Variants in NAA60 observed in about 807,000 individuals in gnomAD.
NAA60 encodes N-alpha-acetyltransferase 60, NatF catalytic subunit.
NAA60 carries 8 observed loss-of-function variants against 26.1 expected under a neutral mutation model. That is an observed-to-expected ratio of 0.31 (90% CI 0.18 to 0.55). The LOEUF is 0.55. Among genes scored for constraint, NAA60 ranks in the 20% least tolerant of loss-of-function variants. NAA60 has a pLI of 0.93. For missense variants in NAA60, 290 were observed against 311.3 expected (o/e 0.93, Z 0.51); for synonymous variants, 131 against 122.5 (o/e 1.07, Z -0.46).
intron 2 of NAA60, chr16:3,458,084 C>G (rs1050609744): frequency 2.1e-5 from 21 of 985,338 alleles, no homozygotes; most frequent in Non-Finnish European, 2.4e-5. Context: ...TTACATAACT[C>G]GTTGCGGGCT....
chr16:3,458,827 A>T (rs1470003648), intron 2 of NAA60, among the ~76,000 whole-genome samples: 1 of 152,156 alleles, frequency 6.6e-6, no homozygotes, highest in African/African-American at 2.4e-5. Flanking sequence ...TTTCTTCTCC[A>T]GATTGGGTAC....
At chr16:3,475,514 A>G (rs1238591893) in intron 2 of NAA60, among the ~76,000 whole-genome samples, 1 of 151,894 alleles carries the variant, frequency 6.6e-6, no homozygotes, top group Non-Finnish European at 1.5e-5. Context: ...CTTTCTATAC[A>G]AACTTCCTTG....
chr16:3,478,544 CTG>C (rs1443050388), intron 3 of NAA60, among the ~76,000 whole-genome samples: 5 of 152,200 alleles, frequency 3.3e-5, no homozygotes, highest in African/African-American at 7.2e-5. Context: ...CCTTGTCTCT[CTG>C]GGGCTGGGGC....
chr16:3,458,354 A>C (rs1251347957), intron 2 of NAA60, among the ~76,000 whole-genome samples: 1 of 150,880 alleles, frequency 6.6e-6, no homozygotes, highest in African/African-American at 2.4e-5. Context: ...TCCTCCCGGG[A>C]GCCGGTTTCG....
In NAA60 at chr16:3,443,798, T is replaced by C. The variant is rs2034437214; in HGVS notation, c.-116T>C. 6.5e-7 allele frequency: 1 copy of C among 1,534,630 alleles called. No individual in the cohort carries two copies. The highest frequency in any genetic ancestry group is 1.4e-5 in the African/African-American group (1 of 72,946). On this transcript the variant is annotated 5_prime_UTR_variant, in exon 1 of 8. Coordinates refer to ENST00000407558, the MANE Select transcript of NAA60 (RefSeq NM_001083601.3). The stretch of plus-strand genomic sequence containing the variant: ...CCGAGAAGAAGGACAGAAAGAAGAC[T>C]GGGAGACACCGGAACTCGAAAGAAA...
intron 2 of NAA60, among the ~76,000 whole-genome samples, chr16:3,457,270 A>T (rs540551169): frequency 1.1e-4 from 17 of 151,968 alleles, no homozygotes; most frequent in Non-Finnish European, 2.1e-4. Context: ...ACATAATGAC[A>T]TTCCCATCCC....
At chr16:3,483,689 A>C (rs1464876120) in intron 6 of NAA60, 92 bp downstream of exon 6, 1 of 1,000,398 alleles carries the variant, frequency 1.0e-6, no homozygotes, top group Non-Finnish European at 1.5e-6. Context: ...TCCCCCTCAG[A>C]TGATGTTCAG....
intron 2 of NAA60, among the ~76,000 whole-genome samples, chr16:3,459,574 A>G (rs990876220): frequency 1.3e-5 from 2 of 152,164 alleles, no homozygotes; most frequent in Admixed American, 6.5e-5. Context: ...GGGATTTTCT[A>G]CATTAATGTG....
intron 2 of NAA60, among the ~76,000 whole-genome samples, chr16:3,454,036 C>T (rs1596291574): frequency 1.3e-5 from 2 of 152,162 alleles, no homozygotes; most frequent in East Asian, 3.9e-4. Flanking sequence ...TGGGGATTGT[C>T]GGAAAGAGGC....
Position 3,485,772 on chromosome 16 carries a change from A to G in NAA60, c.*512A>G. The G allele has an allele frequency of 7.0e-6, 3 of 430,594 alleles. 1 individual carries two copies. Among genetic ancestry groups the G allele is most frequent in the South Asian group, 4.9e-5 (3 of 61,732 alleles). 26.7% of individuals were successfully genotyped at this position (430,594 alleles called of 1,614,324 possible). A position where few individuals can be genotyped will look rare whatever the true frequency, so the allele number is the denominator to read the frequency against. On this transcript the variant is annotated 3_prime_UTR_variant, in exon 8 of 8. Transcript: ENST00000407558. ...GCCCGTCCCCTTCCAGAACCAGCCC[A>G]AAGAAGCCTGGGGGGTGAGGAGTGG...
At chr16:3,465,467 C>A (rs543228850) in intron 2 of NAA60, among the ~76,000 whole-genome samples, 10 of 152,172 alleles carry the variant, frequency 6.6e-5, no homozygotes, top group South Asian at 2.1e-4. Context: ...TGAGTGGGGC[C>A]ACAAAAGGTG....
chr16:3,455,810 C>T (rs1426966373), intron 2 of NAA60, among the ~76,000 whole-genome samples: 2 of 152,032 alleles, frequency 1.3e-5, no homozygotes, highest in African/African-American at 4.8e-5. Context: ...TGAGTTCAAG[C>T]GATTCTCCCA....
intron 1 of NAA60, 32 bp downstream of exon 1, chr16:3,443,869 GAAATTTC>G: frequency 6.6e-7 from 1 of 1,524,988 alleles, no homozygotes; most frequent in Non-Finnish European, 8.8e-7. Flanking sequence ...CTGTAGGCCT[GAAATTTC>G]GGTCTGGCCA....
intron 2 of NAA60, among the ~76,000 whole-genome samples, chr16:3,464,264 C>T (rs989867424): frequency 8.5e-5 from 13 of 152,212 alleles, no homozygotes; most frequent in Non-Finnish European, 1.8e-4. Context: ...CTGCCTGCCT[C>T]GGCCTCCCAA....
At chr16:3,443,649 A>G, upstream of NAA60, 4 of 1,196,744 alleles carry the variant, frequency 3.3e-6, no homozygotes, top group Non-Finnish European at 4.4e-6. Flanking sequence ...TGCGAGAGGT[A>G]GTTTTCCTCC....
intron 2 of NAA60, among the ~76,000 whole-genome samples, chr16:3,475,844 C>T (rs2036446177): frequency 6.6e-6 from 1 of 152,280 alleles, no homozygotes; most frequent in Admixed American, 6.5e-5. Flanking sequence ...CTGGCAGCCA[C>T]TGGCTGGAGT....
In NAA60 at chr16:3,458,338, G is replaced by T. The variant is rs1282278072; in HGVS notation, c.-7+9798G>T. On this transcript the variant is annotated intron_variant, in intron 2 of 7. Coordinates refer to ENST00000407558, the MANE Select transcript of NAA60 (RefSeq NM_001083601.3). ...GCCCGGCCGCGCCCGCGCCCCCGGCGCACGGTCCTCCCGGGAGCCGGTTTC... is the reference window on the plus strand; with the variant it reads ...GCCCGGCCGCGCCCGCGCCCCCGGCTCACGGTCCTCCCGGGAGCCGGTTTC... 2.6e-5 allele frequency among the ~76,000 whole-genome samples: 4 copies of T among 151,222 alleles called. No individual in the cohort carries two copies. In the East Asian group the frequency reaches 7.8e-4, roughly 29 times the overall value.
In NAA60 at chr16:3,461,034, T is replaced by C. The variant is rs921363086; in HGVS notation, c.-7+12494T>C. On this transcript the variant is annotated intron_variant, in intron 2 of 7. Coordinates refer to ENST00000407558, the MANE Select transcript of NAA60 (RefSeq NM_001083601.3). The stretch of plus-strand genomic sequence containing the variant: ...CCTCCAACCTCAGCCTCCTCAGTCG[T>C]TGGGGTTACAGGAGTGAGTTTGCCA... 1.7e-5 allele frequency among the ~76,000 whole-genome samples: 2 copies of C among 115,972 alleles called. 1 individual carries two copies. The highest frequency in any genetic ancestry group is 7.1e-4 in the South Asian group (2 of 2,810). The allele number at this position is 115,972 out of a possible 152,430, so 76.1% of individuals were successfully genotyped here.
At chr16:3,458,092 G>A (rs2035098989) in intron 2 of NAA60, 6 of 985,208 alleles carry the variant, frequency 6.1e-6, no homozygotes, top group African/African-American at 1.7e-5. Context: ...CTCGTTGCGG[G>A]CTCCGCGCGG....
Sources: allele counts gnomAD v4.1 joint callset (sites outside exome capture counted in the v4.1 genomes callset), GRCh38; gene constraint gnomAD v4.1.1; transcripts MANE v1.5; gene names NCBI Gene and HGNC (gene_info 2026-07-23, HGNC 2026-07-21).